Variants in JAZF1 observed in about 807,000 individuals in gnomAD.
JAZF1 encodes the protein juxtaposed with another zinc finger protein 1.
JAZF1 carries 8 observed loss-of-function variants against 26.4 expected under a neutral mutation model. The ratio of observed to expected loss-of-function variants is 0.30; its 90% CI spans 0.18 to 0.55. The LOEUF is 0.55. Ranked by LOEUF, JAZF1 falls within the 20% of genes least tolerant of loss-of-function variation. The pLI is 0.94. For synonymous variants in JAZF1, 126 were observed against 122.3 expected (o/e 1.03, Z -0.20); for missense variants, 199 against 322.0 (o/e 0.62, Z 2.92).
At chr7:28,115,778 C>T (rs1487197034) in intron 1 of JAZF1, among the ~76,000 whole-genome samples, 1 of 152,134 alleles carries the variant, frequency 6.6e-6, no homozygotes, top group Non-Finnish European at 1.5e-5. Flanking sequence ...CTAAAAGTAA[C>T]CACTTTTATT....
intron 1 of JAZF1, among the ~76,000 whole-genome samples, chr7:28,062,939 C>T (rs1326679362): frequency 6.6e-6 from 1 of 152,166 alleles, no homozygotes; most frequent in Non-Finnish European, 1.5e-5. Flanking sequence ...CTTACTCTAT[C>T]CATTAAAAAT....
At chr7:27,927,587 C>T (rs1784621210) in intron 2 of JAZF1, among the ~76,000 whole-genome samples, 1 of 151,998 alleles carries the variant, frequency 6.6e-6, no homozygotes, top group South Asian at 2.1e-4. Flanking sequence ...GATTTTAATG[C>T]CTCCCTCTGC....
At chr7:28,145,834 T>C (rs941849521) in intron 1 of JAZF1, among the ~76,000 whole-genome samples, 7 of 152,220 alleles carry the variant, frequency 4.6e-5, no homozygotes, top group African/African-American at 1.7e-4. Context: ...TCTGTCCCTA[T>C]AGTCTTGCCT....
At chr7:27,892,536 T>C (rs1783990531) in intron 3 of JAZF1, among the ~76,000 whole-genome samples, 1 of 152,220 alleles carries the variant, frequency 6.6e-6, no homozygotes, top group Non-Finnish European at 1.5e-5. Context: ...AGTCAGTCCA[T>C]ATTACTTCAG....
chr7:27,904,107 A>G (rs946324811), intron 2 of JAZF1, among the ~76,000 whole-genome samples: 2 of 152,220 alleles, frequency 1.3e-5, no homozygotes, highest in African/African-American at 4.8e-5. Flanking sequence ...GGCTGTTACT[A>G]TGCAATCCAG....
At chr7:28,021,405 C>G (rs1436355678) in intron 1 of JAZF1, among the ~76,000 whole-genome samples, 4 of 152,158 alleles carry the variant, frequency 2.6e-5, no homozygotes, top group Non-Finnish European at 4.4e-5. Flanking sequence ...TTTTCTTCCT[C>G]TGAAAAGCAG....
intron 1 of JAZF1, among the ~76,000 whole-genome samples, chr7:28,073,563 G>A (rs914319646): frequency 6.6e-6 from 1 of 152,162 alleles, no homozygotes; most frequent in African/African-American, 2.4e-5. Flanking sequence ...TATTCTCCCG[G>A]GAGACAATTT....
chr7:27,860,837 T>TC (rs1277477789), intron 3 of JAZF1, among the ~76,000 whole-genome samples: 1 of 151,468 alleles, frequency 6.6e-6, no homozygotes, highest in South Asian at 2.1e-4. Flanking sequence ...GTATTCTGGT[T>TC]CCCCCCATCC....
intron 2 of JAZF1, among the ~76,000 whole-genome samples, chr7:27,920,702 T>C (rs1021902630): frequency 6.6e-6 from 1 of 152,178 alleles, no homozygotes; most frequent in Non-Finnish European, 1.5e-5. Flanking sequence ...CCAGCACAAA[T>C]TTTTTAGTTG....
intron 2 of JAZF1, among the ~76,000 whole-genome samples, chr7:27,935,870 G>A (rs1300251172): frequency 6.6e-6 from 1 of 152,148 alleles, no homozygotes; most frequent in Non-Finnish European, 1.5e-5. Context: ...AGTTGGTGAG[G>A]TCACACAGCA....
In JAZF1 at chr7:27,883,142, T is replaced by C. The variant is rs138898110; in HGVS notation, c.385+12078A>G. Among the ~76,000 whole-genome samples the C allele has an allele frequency of 2.6e-5, 4 of 152,320 alleles. No individual in the cohort carries two copies. In the East Asian group the frequency reaches 7.7e-4, roughly 29 times the overall value. On this transcript the variant is annotated intron_variant, in intron 3 of 4. Coordinates refer to ENST00000283928, the MANE Select transcript of JAZF1 (RefSeq NM_175061.4). ...TGGCTTAAAAAGATGGCATTCTTTCTTGGGGAGACAGGGTGTGAACAGCAC... is the reference window on the plus strand; with the variant it reads ...TGGCTTAAAAAGATGGCATTCTTTCCTGGGGAGACAGGGTGTGAACAGCAC...
chr7:28,012,833 C>T (rs995667103), intron 1 of JAZF1, among the ~76,000 whole-genome samples: 2 of 152,246 alleles, frequency 1.3e-5, no homozygotes, highest in African/African-American at 4.8e-5. Context: ...ATTTTAAAGT[C>T]ACTTGTGGAT....
chr7:28,121,458 T>C (rs2127938057), intron 1 of JAZF1, among the ~76,000 whole-genome samples: 2 of 152,320 alleles, frequency 1.3e-5, no homozygotes, highest in Middle Eastern at 6.8e-3. Flanking sequence ...AGATGTAGCA[T>C]GGTATATCCT....
In JAZF1 at chr7:28,154,152, G is replaced by A. The variant is rs78730682; in HGVS notation, c.115+26311C>T. ...CTGACCCCCTCCCATCCCAACCCAT[G>A]AGGGTAACTGGCTTATATGACTATT... On this transcript the variant is annotated intron_variant, in intron 1 of 4. Transcript: ENST00000283928. 8.6e-3 allele frequency among the ~76,000 whole-genome samples: 1,308 copies of A among 152,324 alleles called. 13 individuals are homozygous for A. Among genetic ancestry groups the A allele is most frequent in the African/African-American group, 0.029 (1,219 of 41,578 alleles).
chr7:27,907,011 C>G (rs1784269392), intron 2 of JAZF1, among the ~76,000 whole-genome samples: 1 of 152,124 alleles, frequency 6.6e-6, no homozygotes, highest in African/African-American at 2.4e-5. Flanking sequence ...TGATGCGTAA[C>G]TTTCCCCATA....
chr7:27,915,671 T>A (rs1784435720), intron 2 of JAZF1, among the ~76,000 whole-genome samples: 2 of 152,244 alleles, frequency 1.3e-5, no homozygotes, highest in Non-Finnish European at 2.9e-5. Context: ...AGCCATTAAT[T>A]TAACAACATG....
intron 1 of JAZF1, among the ~76,000 whole-genome samples, chr7:28,078,651 A>G (rs1326519438): frequency 1.3e-5 from 2 of 152,158 alleles, no homozygotes; most frequent in African/African-American, 4.8e-5. Context: ...TTTTTTTTGT[A>G]ATGCCATTTA....
chr7:28,121,255 C>G (rs565336153), intron 1 of JAZF1, among the ~76,000 whole-genome samples: 3 of 151,766 alleles, frequency 2.0e-5, no homozygotes, highest in Non-Finnish European at 4.4e-5. Context: ...CAATGCTTTA[C>G]CCTCCCCTCT....
chr7:27,902,597 A>G (rs1784184001), intron 2 of JAZF1, among the ~76,000 whole-genome samples: 1 of 152,212 alleles, frequency 6.6e-6, no homozygotes, highest in African/African-American at 2.4e-5. Context: ...TCATCTATAA[A>G]TGGTGACAAT....
Sources: gnomAD v4.1 joint callset for allele counts (sites outside exome capture counted in the v4.1 genomes callset) on GRCh38, gnomAD v4.1.1 for gene constraint, MANE v1.5 for transcripts, NCBI Gene and HGNC (gene_info 2026-07-23, HGNC 2026-07-21) for gene names.